ADGRV1: variants seen among roughly 807,000 people sequenced by gnomAD.
ADGRV1 encodes the protein G-protein coupled receptor 98.
ADGRV1 carries 359 observed loss-of-function variants against 596.2 expected under a neutral mutation model. The ratio of observed to expected loss-of-function variants is 0.60; its 90% CI spans 0.55 to 0.66. The LOEUF is 0.66. Among genes scored for constraint, ADGRV1 ranks in the 30% least tolerant of loss-of-function variants. The probability of loss-of-function intolerance (pLI) is 0.00; values close to 1 mark genes in which losing one functional copy is unlikely to be tolerated. For synonymous variants in ADGRV1, 2,681 were observed against 2,679.2 expected, an observed-to-expected ratio of 1.00 and a Z score of -0.02; for missense variants, 7,274 against 7,575.6, an observed-to-expected ratio of 0.96 and a Z score of 1.48.
chr5:90,985,893 G>T (rs1424254914), intron 85 of ADGRV1, among the ~76,000 whole-genome samples: 1 of 151,858 alleles, frequency 6.6e-6, no homozygotes, highest in East Asian at 1.9e-4. Flanking sequence ...TTTTGGTGAG[G>T]GTGGGGGATG....
Position 91,037,802 on chromosome 5 carries a change from T to C in ADGRV1, c.18153-34645T>C, listed in dbSNP as rs182484953. Among the ~76,000 whole-genome samples the C allele has an allele frequency of 1.1e-4, 17 of 152,320 alleles. No homozygotes were observed. In the East Asian group the frequency reaches 3.1e-3, roughly 28 times the overall value. The stretch of plus-strand genomic sequence containing the variant: ...CAGACAGAGTAAAGTTGAGCATCTC[T>C]AATCCTAAAACCCAAATACTACAAA... On this transcript the variant is annotated intron_variant, in intron 85 of 89. Transcript: ENST00000405460.
At chr5:90,945,701 T>G (rs1776515337) in intron 83 of ADGRV1, among the ~76,000 whole-genome samples, 1 of 152,120 alleles carries the variant, frequency 6.6e-6, no homozygotes, top group East Asian at 1.9e-4. Flanking sequence ...ATATAATAGT[T>G]TCAGCCAGAC....
At chr5:91,155,489 C>T (rs1023905164) in intron 89 of ADGRV1, among the ~76,000 whole-genome samples, 5 of 152,212 alleles carry the variant, frequency 3.3e-5, no homozygotes, top group Admixed American at 1.3e-4. Context: ...AGCAAACACC[C>T]TCCCTTAGCT....
chr5:90,731,910 T>G (rs1752601994), intron 50 of ADGRV1, among the ~76,000 whole-genome samples: 1 of 152,250 alleles, frequency 6.6e-6, no homozygotes, highest in Non-Finnish European at 1.5e-5. Context: ...ACGAACACTT[T>G]TATGAGAAGA....
chr5:90,858,173 G>C (rs1369466100), intron 82 of ADGRV1, among the ~76,000 whole-genome samples: 1 of 152,164 alleles, frequency 6.6e-6, no homozygotes, highest in African/African-American at 2.4e-5. Flanking sequence ...ATTCCTTGAG[G>C]TTAAAATGAA....
chr5:91,045,522 A>C (rs1464702693), intron 85 of ADGRV1, among the ~76,000 whole-genome samples: 1 of 152,174 alleles, frequency 6.6e-6, no homozygotes, highest in Non-Finnish European at 1.5e-5. Flanking sequence ...CAAAATTGGC[A>C]TACAAGGGAC....
At chr5:91,061,030 A>C (rs1273439468) in intron 85 of ADGRV1, among the ~76,000 whole-genome samples, 1 of 152,174 alleles carries the variant, frequency 6.6e-6, no homozygotes, top group African/African-American at 2.4e-5. Context: ...TCCAGAATGC[A>C]GGCTCTGAAA....
chr5:90,886,089 A>G (rs975137119), intron 83 of ADGRV1, among the ~76,000 whole-genome samples: 1 of 152,196 alleles, frequency 6.6e-6, no homozygotes, highest in African/African-American at 2.4e-5. Flanking sequence ...GACATAATCC[A>G]TATTTTTTGA....
intron 87 of ADGRV1, among the ~76,000 whole-genome samples, chr5:91,127,729 A>G (rs1260655212): frequency 6.6e-6 from 1 of 152,194 alleles, no homozygotes; most frequent in Non-Finnish European, 1.5e-5. Flanking sequence ...AGCTGCCTTT[A>G]TAGAGACACC....
intron 27 of ADGRV1, among the ~76,000 whole-genome samples, 196 bp from the exon 28 acceptor site, chr5:90,683,390 A>G (rs1358927554): frequency 1.3e-5 from 2 of 152,098 alleles, no homozygotes; most frequent in Non-Finnish European, 2.9e-5. Flanking sequence ...CACTTTTTAA[A>G]TATCCTCTAT....
chr5:90,688,251 A>C (rs1261249787), intron 29 of ADGRV1, among the ~76,000 whole-genome samples: 2 of 152,190 alleles, frequency 1.3e-5, no homozygotes, highest in Non-Finnish European at 2.9e-5. Flanking sequence ...GCATATCTAC[A>C]ACTATCTGAT....
intron 34 of ADGRV1, among the ~76,000 whole-genome samples, chr5:90,701,889 AT>A (rs1185177872): frequency 6.6e-6 from 1 of 151,742 alleles, no homozygotes; most frequent in Non-Finnish European, 1.5e-5. Context: ...CAACATGGAA[AT>A]TTTTTGACCT....
At chr5:90,629,678 G>A in intron 9 of ADGRV1, 139 bp downstream of exon 9, 1 of 627,872 alleles carries the variant, frequency 1.6e-6, no homozygotes, top group Non-Finnish European at 2.7e-6. Flanking sequence ...TGTTTAGGTA[G>A]TCGGAAGAGA....
intron 83 of ADGRV1, among the ~76,000 whole-genome samples, chr5:90,953,241 T>C (rs1043273470): frequency 1.3e-5 from 2 of 152,156 alleles, no homozygotes; most frequent in Admixed American, 6.6e-5. Context: ...AGTTTTGTCA[T>C]TGGTTAGCTG....
intron 83 of ADGRV1, among the ~76,000 whole-genome samples, chr5:90,955,824 A>G (rs907641071): frequency 6.6e-6 from 1 of 152,212 alleles, no homozygotes; most frequent in Non-Finnish European, 1.5e-5. Context: ...TCTCTCAATA[A>G]TTAAGGACAA....
rs2149369596 is a variant in ADGRV1, at chr5:90,625,260, T to C, written c.672+17T>C. ...GATGACGAGGTTGGCTAATGTTACA[T>C]ACCCAAATGGGACAAGGATTCTGTG... On this transcript the variant is annotated intron_variant, in intron 6 of 89. Coordinates refer to ENST00000405460, the MANE Select transcript of ADGRV1 (RefSeq NM_032119.4). The C allele has an allele frequency of 6.8e-7, 1 of 1,474,864 alleles. No homozygotes were observed. The highest frequency in any genetic ancestry group is 1.4e-5 in the African/African-American group (1 of 72,208). 91.4% of individuals were successfully genotyped at this position (1,474,864 alleles called of 1,614,324 possible). A position where few individuals can be genotyped will look rare whatever the true frequency, so the allele number is the denominator to read the frequency against.
chr5:90,901,845 GTTTGTGTTTTA>G (rs1406848280), intron 83 of ADGRV1, among the ~76,000 whole-genome samples: 4 of 152,056 alleles, frequency 2.6e-5, no homozygotes, highest in African/African-American at 9.7e-5. Flanking sequence ...GATAGCTTCA[GTTTGTGTTTTA>G]TTCTAAGTGT....
intron 21 of ADGRV1, among the ~76,000 whole-genome samples, chr5:90,669,442 A>G (rs1389309589): frequency 6.6e-6 from 1 of 152,198 alleles, no homozygotes; most frequent in East Asian, 1.9e-4. Flanking sequence ...GGGTTAGGAA[A>G]ACACTGCTCA....
At chr5:90,930,950 G>A (rs1233610996) in intron 83 of ADGRV1, among the ~76,000 whole-genome samples, 2 of 152,134 alleles carry the variant, frequency 1.3e-5, no homozygotes, top group Admixed American at 6.5e-5. Context: ...TTAGTATGTT[G>A]CATCAGTGAT....
Sources: gnomAD v4.1 joint callset for allele counts (sites outside exome capture counted in the v4.1 genomes callset) on GRCh38, gnomAD v4.1.1 for gene constraint, MANE v1.5 for transcripts, NCBI Gene and HGNC (gene_info 2026-07-23, HGNC 2026-07-21) for gene names.